FAM120C: variants seen among roughly 807,000 people sequenced by gnomAD.
FAM120C encodes the protein constitutive coactivator of PPAR-gamma-like protein 2.
FAM120C carries 14 observed loss-of-function variants against 71.2 expected under a neutral mutation model. That is an observed-to-expected ratio of 0.20 (90% CI 0.13 to 0.31). The LOEUF (loss-of-function observed/expected upper bound fraction) is 0.31. FAM120C is among the 10% of genes least tolerant of loss of function. FAM120C has a pLI of 1.00. For missense variants in FAM120C, 500 were observed against 879.0 expected (o/e 0.57, Z 5.45); for synonymous variants, 354 against 353.2 (o/e 1.00, Z -0.03).
chrX:54,126,742 C>T (rs1318862442), intron 9 of FAM120C, among the ~76,000 whole-genome samples: 1 of 113,224 alleles, frequency 8.8e-6, no homozygotes, highest in African/African-American at 3.2e-5. Flanking sequence ...ATTATATTTA[C>T]AGATTTTTCA....
chrX:54,097,424 C>T (rs1216083006), intron 10 of FAM120C, among the ~76,000 whole-genome samples: 2 of 111,502 alleles, frequency 1.8e-5, no homozygotes, highest in Non-Finnish European at 3.8e-5. Flanking sequence ...GTAGCAAGAC[C>T]CTATCTCTAC....
rs1368671766 is a variant in FAM120C at position 54,073,298 on chromosome X, C to T, written c.3037-11G>A. The T allele has an allele frequency of 3.4e-6, 4 of 1,186,660 alleles. No homozygotes were observed. In the South Asian group the frequency reaches 5.6e-5, roughly 17 times the overall value. On this transcript the variant is annotated splice_polypyrimidine_tract_variant and intron_variant, in intron 15 of 15. Transcript: ENST00000375180. ...TCCATCTGAAGAGCCCTGTTAAAAACAGAGATACTCAGTGGAAATGGGAAT... is the reference window on the plus strand; with the variant it reads ...TCCATCTGAAGAGCCCTGTTAAAAATAGAGATACTCAGTGGAAATGGGAAT...
intron 9 of FAM120C, among the ~76,000 whole-genome samples, chrX:54,129,756 G>A (rs1167465006): frequency 3.1e-4 from 35 of 112,456 alleles, no homozygotes; most frequent in African/African-American, 1.1e-3. Flanking sequence ...ACGAGACTCC[G>A]TCTGCAATCC....
At chrX:54,105,611 G>A (rs2066902805) in intron 10 of FAM120C, among the ~76,000 whole-genome samples, 1 of 111,852 alleles carries the variant, frequency 8.9e-6, no homozygotes, top group Non-Finnish European at 1.9e-5. Context: ...AAAAGAGGAA[G>A]TCAAATTGTC....
chrX:54,109,432 G>A, intron 10 of FAM120C, among the ~76,000 whole-genome samples: 1 of 102,596 alleles, frequency 9.7e-6, no homozygotes. Context: ...AGACCAGCTT[G>A]GGCAACATAG....
chrX:54,154,123 T>A (rs1314936562), intron 3 of FAM120C, among the ~76,000 whole-genome samples: 1 of 108,002 alleles, frequency 9.3e-6, no homozygotes, highest in Non-Finnish European at 1.9e-5. Context: ...AGAAGACCAA[T>A]AGTTAGTAAG....
intron 4 of FAM120C, among the ~76,000 whole-genome samples, chrX:54,142,466 C>T (rs901094369): frequency 3.6e-5 from 4 of 111,954 alleles, no homozygotes; most frequent in African/African-American, 1.3e-4. Flanking sequence ...CACACGGAGC[C>T]TTGCCCACAG....
At chrX:54,095,590 G>A (rs1392302781) in intron 10 of FAM120C, among the ~76,000 whole-genome samples, 3 of 110,913 alleles carry the variant, frequency 2.7e-5, no homozygotes, top group South Asian at 3.7e-4. Flanking sequence ...CAAGTGATCC[G>A]CCAGCCTCGG....
intron 10 of FAM120C, among the ~76,000 whole-genome samples, chrX:54,101,826 C>T (rs1213488124): frequency 9.0e-6 from 1 of 111,571 alleles, no homozygotes; most frequent in Non-Finnish European, 1.9e-5. Context: ...TATCAGCATT[C>T]TGGTTGTAAC....
intron 1 of FAM120C, among the ~76,000 whole-genome samples, chrX:54,161,636 T>C (rs896560179): frequency 1.8e-5 from 2 of 112,274 alleles, no homozygotes; most frequent in Admixed American, 1.9e-4. Context: ...ACTTATTTCT[T>C]GTTTTGTTTT....
At chrX:54,182,417 G>T in intron 1 of FAM120C, 83 bp downstream of exon 1, 1 of 1,060,283 alleles carries the variant, frequency 9.4e-7, no homozygotes, top group Non-Finnish European at 1.3e-6. Flanking sequence ...GTAGGGTAGT[G>T]GGTAAGTGGG....
chrX:54,096,385 T>A (rs1431316408), intron 10 of FAM120C, among the ~76,000 whole-genome samples: 1 of 111,333 alleles, frequency 9.0e-6, no homozygotes, highest in Non-Finnish European at 1.9e-5. Flanking sequence ...CACTCCAGAC[T>A]GGGCCACAGA....
chrX:54,082,122 G>A (rs2066768911), intron 13 of FAM120C, among the ~76,000 whole-genome samples: 1 of 106,020 alleles, frequency 9.4e-6, no homozygotes, highest in Admixed American at 1.0e-4. Context: ...GGTGGAGGTT[G>A]CAGTGAGCCA....
intron 15 of FAM120C, among the ~76,000 whole-genome samples, chrX:54,074,127 A>G (rs1278687564): frequency 8.9e-6 from 1 of 111,797 alleles, no homozygotes; most frequent in East Asian, 2.8e-4. Context: ...CACCTGGCTG[A>G]CACTGCTACT....
intron 1 of FAM120C, among the ~76,000 whole-genome samples, chrX:54,173,115 G>A (rs2067297104): frequency 8.9e-6 from 1 of 112,118 alleles, no homozygotes; most frequent in Admixed American, 9.5e-5. Context: ...TCAACCCCTG[G>A]CAGTTTTTTC....
At chrX:54,161,469 T>C (rs1453530285) in intron 1 of FAM120C, among the ~76,000 whole-genome samples, 4 of 112,148 alleles carry the variant, frequency 3.6e-5, no homozygotes, top group Non-Finnish European at 7.5e-5. Flanking sequence ...AAGCTGATTA[T>C]GCCACCATTC....
chrX:54,133,753 G>T lies in FAM120C; in HGVS notation c.1890+20C>A. The stretch of plus-strand genomic sequence containing the variant: ...TACAGTGTTAAGAGCAGGGAGGTAG[G>T]TGCTGATGTGCTGCCTCACCTTAGT... On this transcript the variant is annotated intron_variant, in intron 8 of 15. Coordinates refer to ENST00000375180, the MANE Select transcript of FAM120C (RefSeq NM_017848.6). 8.3e-7 allele frequency: 1 copy of T among 1,204,019 alleles called. No individual in the cohort carries two copies. The highest frequency in any genetic ancestry group is 2.2e-5 in the Admixed American group (1 of 45,745).
intron 11 of FAM120C, 118 bp from the exon 12 acceptor site, chrX:54,088,082 T>C (rs781985026): frequency 2.0e-5 from 12 of 591,883 alleles, no homozygotes; most frequent in Non-Finnish European, 2.9e-5. Context: ...TCATTCAATG[T>C]AGACATCTCA....
At chrX:54,098,384 T>C (rs185682359) in intron 10 of FAM120C, among the ~76,000 whole-genome samples, 1 of 111,517 alleles carries the variant, frequency 9.0e-6, no homozygotes, top group African/African-American at 3.2e-5. Context: ...CATGTTTTTG[T>C]GTGGACATGT....
Sources: gnomAD v4.1 joint callset for allele counts (sites outside exome capture counted in the v4.1 genomes callset) on GRCh38, gnomAD v4.1.1 for gene constraint, MANE v1.5 for transcripts, NCBI Gene and HGNC (gene_info 2026-07-23, HGNC 2026-07-21) for gene names.